Variants in GRIP1 observed in about 807,000 individuals in gnomAD.
GRIP1 encodes the protein glutamate receptor interacting protein 1.
A neutral mutation model predicts 129.9 loss-of-function variants in GRIP1; 45 were observed. The ratio of observed to expected loss-of-function variants is 0.35; its 90% CI spans 0.27 to 0.44. GRIP1 has a LOEUF of 0.44. Among genes scored for constraint, GRIP1 ranks in the 20% least tolerant of loss-of-function variants. The pLI is 1.00. For synonymous variants in GRIP1, 530 were observed against 520.8 expected, an observed-to-expected ratio of 1.02 and a Z score of -0.24; for missense variants, 1,196 against 1,396.8, an observed-to-expected ratio of 0.86 and a Z score of 2.29.
At chr12:67,069,329 C>CCG (rs1287195446), upstream of GRIP1, among the ~76,000 whole-genome samples, 20 of 110,128 alleles carry the variant, frequency 1.8e-4, no homozygotes, top group South Asian at 3.1e-4. Context: ...GCGGCGGCGG[C>CCG]GGCCGGGCCG....
At chr12:66,827,149 C>T (rs576318258) in intron 1 of GRIP1, among the ~76,000 whole-genome samples, 8 of 152,124 alleles carry the variant, frequency 5.3e-5, no homozygotes, top group South Asian at 2.1e-4. Flanking sequence ...TCTGTGGGTC[C>T]GGAGTCTTGA....
chr12:66,878,811 G>A (rs1566062229), intron 1 of GRIP1, among the ~76,000 whole-genome samples: 3 of 151,942 alleles, frequency 2.0e-5, no homozygotes, highest in Admixed American at 1.3e-4. Flanking sequence ...AAATGAAGAA[G>A]GGAAGAGGAA....
upstream of GRIP1, among the ~76,000 whole-genome samples, chr12:66,804,376 T>C (rs2038943665): frequency 6.6e-6 from 1 of 151,990 alleles, no homozygotes; most frequent in Non-Finnish European, 1.5e-5. Flanking sequence ...AATAGCGATA[T>C]GGGTTTACCT....
At chr12:66,885,373 A>T (rs1284827523) in intron 1 of GRIP1, among the ~76,000 whole-genome samples, 3 of 152,194 alleles carry the variant, frequency 2.0e-5, no homozygotes, top group African/African-American at 7.2e-5. Flanking sequence ...AGAGAGGCTT[A>T]GAAAGGGGCT....
chr12:66,619,992 G>A lies in GRIP1; in HGVS notation c.56-23065C>T, dbSNP rs1329374196. On this transcript the variant is annotated intron_variant, in intron 1 of 24. Transcript: ENST00000359742. ...TTAGAAAACATTTCATAATTTCAGTGAGACTTTACATCCATTACTTCATTT... is the reference window on the plus strand; with the variant it reads ...TTAGAAAACATTTCATAATTTCAGTAAGACTTTACATCCATTACTTCATTT... Among the ~76,000 whole-genome samples, 9 of 152,256 alleles carry A rather than the reference G, an allele frequency of 5.9e-5. No individual in the cohort carries two copies. The East Asian group carries it at 7.7e-4, about 13-fold the overall frequency.
chr12:66,807,464 G>C (rs1402411665), upstream of GRIP1, among the ~76,000 whole-genome samples: 2 of 152,138 alleles, frequency 1.3e-5, no homozygotes, highest in Non-Finnish European at 2.9e-5. Flanking sequence ...AAAAGGTCAG[G>C]AGATCGAGAC....
At chr12:66,401,257 A>C (rs1185649284) in intron 16 of GRIP1, among the ~76,000 whole-genome samples, 1 of 152,052 alleles carries the variant, frequency 6.6e-6, no homozygotes, top group African/African-American at 2.4e-5. Context: ...ACTAGGTGCA[A>C]ACTTATTGGT....
intron 2 of GRIP1, among the ~76,000 whole-genome samples, chr12:66,573,051 ATATAACATATG>A (rs2063017249): frequency 1.3e-5 from 2 of 151,922 alleles, no homozygotes; most frequent in African/African-American, 2.4e-5. Flanking sequence ...GACTATGCAC[ATATAACATATG>A]TATATATGTC....
intron 2 of GRIP1, among the ~76,000 whole-genome samples, chr12:66,590,113 T>C (rs2063801038): frequency 6.6e-6 from 1 of 152,128 alleles, no homozygotes; most frequent in African/African-American, 2.4e-5. Flanking sequence ...TTGCTAGCTG[T>C]CATCAGAGTC....
intron 1 of GRIP1, among the ~76,000 whole-genome samples, chr12:66,864,188 T>G (rs1566056580): frequency 6.6e-6 from 1 of 152,068 alleles, no homozygotes; most frequent in Non-Finnish European, 1.5e-5. Flanking sequence ...ACTCAATTTT[T>G]TTTCTCTTTT....
At chr12:66,597,088 T>C (rs2064082651) in intron 1 of GRIP1, among the ~76,000 whole-genome samples, 161 bp from the exon 2 acceptor site, 1 of 152,166 alleles carries the variant, frequency 6.6e-6, no homozygotes, top group Admixed American at 6.5e-5. Context: ...GTGGGATAAA[T>C]CTTTGAAAAT....
intron 11 of GRIP1, among the ~76,000 whole-genome samples, chr12:66,452,442 C>T (rs961808604): frequency 6.6e-6 from 1 of 152,220 alleles, no homozygotes; most frequent in Non-Finnish European, 1.5e-5. Flanking sequence ...TGTAACACAT[C>T]ACTATATACA....
At chr12:66,493,402 T>A (rs909725920) in intron 7 of GRIP1, among the ~76,000 whole-genome samples, 1 of 152,210 alleles carries the variant, frequency 6.6e-6, no homozygotes, top group Non-Finnish European at 1.5e-5. Flanking sequence ...GAACTGTATA[T>A]GCCTTCAGGA....
At chr12:66,613,586 T>C (rs551147672) in intron 1 of GRIP1, among the ~76,000 whole-genome samples, 148 of 152,318 alleles carry the variant, frequency 9.7e-4, no homozygotes, top group Non-Finnish European at 8.4e-4. Flanking sequence ...AGTATCATTA[T>C]CCAGTTTGGC....
At chr12:66,693,974 C>A (rs1252348471) in intron 1 of GRIP1, among the ~76,000 whole-genome samples, 1 of 152,190 alleles carries the variant, frequency 6.6e-6, no homozygotes, top group Non-Finnish European at 1.5e-5. Flanking sequence ...CTCCTAAACA[C>A]TTCTCAATTC....
At chr12:66,799,681 A>C (rs2038803161) in intron 1 of GRIP1, among the ~76,000 whole-genome samples, 1 of 152,096 alleles carries the variant, frequency 6.6e-6, no homozygotes, top group Non-Finnish European at 1.5e-5. Flanking sequence ...ATCTTTCCAA[A>C]GTATATGTCA....
intron 1 of GRIP1, among the ~76,000 whole-genome samples, chr12:66,635,401 G>T (rs1054325455): frequency 2.0e-5 from 3 of 151,588 alleles, no homozygotes; most frequent in Non-Finnish European, 2.9e-5. Flanking sequence ...TCTAGCCTGG[G>T]TGACAGAGTG....
intron 2 of GRIP1, chr12:66,568,113 AT>A: frequency 3.5e-6 from 1 of 285,006 alleles, no homozygotes; most frequent in South Asian, 4.7e-5. Flanking sequence ...TCAGCTACAA[AT>A]TTTACATTGT....
intron 1 of GRIP1, among the ~76,000 whole-genome samples, chr12:66,597,220 A>G (rs1242139389): frequency 2.0e-5 from 3 of 152,230 alleles, no homozygotes; most frequent in African/African-American, 7.2e-5. Context: ...GAAGTATGCA[A>G]ATATAGTATA....
Sources: gnomAD v4.1 joint callset for allele counts (sites outside exome capture counted in the v4.1 genomes callset) on GRCh38, gnomAD v4.1.1 for gene constraint, MANE v1.5 for transcripts, NCBI Gene and HGNC (gene_info 2026-07-23, HGNC 2026-07-21) for gene names.